Variants in SHISA9 observed in about 807,000 individuals in gnomAD.
SHISA9 encodes shisa family member 9.
A neutral mutation model predicts 38.0 loss-of-function variants in SHISA9; 13 were observed. The observed-to-expected ratio is 0.34, with a 90% CI of 0.22 to 0.54. The LOEUF (loss-of-function observed/expected upper bound fraction) is 0.54. Among genes scored for constraint, SHISA9 ranks in the 20% least tolerant of loss-of-function variants. SHISA9 has a pLI of 0.91. For missense variants in SHISA9, 538 were observed against 575.8 expected (o/e 0.93, Z 0.67); for synonymous variants, 275 against 242.0 (o/e 1.14, Z -1.27).
the SHISA9 span, among the ~76,000 whole-genome samples, chr16:13,443,535 A>G: frequency 3.9e-5 from 6 of 152,362 alleles, no homozygotes; most frequent in East Asian, 5.8e-4. Context: ...GTAGCAATCC[A>G]ACATAAATGA....
intron 2 of SHISA9, among the ~76,000 whole-genome samples, chr16:12,945,964 C>A (rs35132498): frequency 3.3e-5 from 5 of 152,270 alleles, no homozygotes; most frequent in African/African-American, 1.2e-4. Flanking sequence ...AAAAATTAGC[C>A]GGATGTGGTG....
At chr16:13,204,803 G>T (rs1329762822) in intron 3 of SHISA9, 1 of 152,190 alleles carries the variant, frequency 6.6e-6, no homozygotes, top group African/African-American at 2.4e-5. Context: ...AATATAACTT[G>T]CCCAAGTCAA....
chr16:13,284,727 A>G, the SHISA9 span, among the ~76,000 whole-genome samples: 1 of 152,136 alleles, frequency 6.6e-6, no homozygotes, highest in African/African-American at 2.4e-5. Flanking sequence ...TCTCCCAAGT[A>G]GCTGGGATTA....
At chr16:13,524,637 C>T in the SHISA9 span, among the ~76,000 whole-genome samples, 10 of 152,110 alleles carry the variant, frequency 6.6e-5, no homozygotes, top group Non-Finnish European at 1.2e-4. Context: ...TAGCTCACTA[C>T]GGCCTCAAAC....
chr16:13,526,542 C>A, the SHISA9 span, among the ~76,000 whole-genome samples: 469 of 152,210 alleles, frequency 3.1e-3, 4 homozygotes, highest in African/African-American at 0.011. Context: ...CACCACCACA[C>A]CTGGCTAATT....
At chr16:13,487,240 A>G in the SHISA9 span, among the ~76,000 whole-genome samples, 3 of 152,210 alleles carry the variant, frequency 2.0e-5, no homozygotes, top group Non-Finnish European at 4.4e-5. Flanking sequence ...CATATAACCT[A>G]TACATATCTC....
intron 2 of SHISA9, among the ~76,000 whole-genome samples, chr16:12,961,910 A>G (rs2071916858): frequency 6.6e-6 from 1 of 152,194 alleles, no homozygotes; most frequent in South Asian, 2.1e-4. Flanking sequence ...CACACCTTCC[A>G]GTCTTCCAGC....
chr16:13,390,096 C>A, the SHISA9 span, among the ~76,000 whole-genome samples: 6 of 149,180 alleles, frequency 4.0e-5, no homozygotes, highest in Non-Finnish European at 8.9e-5. Flanking sequence ...GTACATAGAA[C>A]TTAAATACTA....
intron 4 of SHISA9, among the ~76,000 whole-genome samples, chr16:13,227,492 G>A (rs961956133): frequency 6.6e-6 from 1 of 152,216 alleles, no homozygotes; most frequent in African/African-American, 2.4e-5. Flanking sequence ...TGAGATGTAA[G>A]GAAAAGGCTG....
the SHISA9 span, among the ~76,000 whole-genome samples, chr16:13,557,840 C>A: frequency 6.6e-6 from 1 of 152,130 alleles, no homozygotes; most frequent in African/African-American, 2.4e-5. Flanking sequence ...CCCTGGCTCA[C>A]TCCTCTCCAG....
At chr16:13,043,423 TTG>T (rs2141890671) in intron 2 of SHISA9, among the ~76,000 whole-genome samples, 1 of 152,296 alleles carries the variant, frequency 6.6e-6, no homozygotes, top group Admixed American at 6.5e-5. Context: ...GGGAGGGTAT[TTG>T]TGGTTTCTCT....
At chr16:13,167,063 C>CTTTTTTT (rs765999078) in intron 2 of SHISA9, among the ~76,000 whole-genome samples, 4 of 119,924 alleles carry the variant, frequency 3.3e-5, no homozygotes, top group Admixed American at 8.5e-5. Flanking sequence ...CTCTCTCTCT[C>CTTTTTTT]TCTTTTTTCT....
intron 4 of SHISA9, among the ~76,000 whole-genome samples, chr16:13,229,790 G>A (rs758144882): frequency 5.3e-5 from 8 of 152,184 alleles, no homozygotes; most frequent in Non-Finnish European, 7.3e-5. Context: ...GGAGAGAGCA[G>A]GGGTGGCTGA....
the SHISA9 span, among the ~76,000 whole-genome samples, chr16:13,560,155 A>C: frequency 1.3e-5 from 2 of 152,238 alleles, no homozygotes; most frequent in African/African-American, 2.4e-5. Context: ...CAAATCTCTT[A>C]GCTCGATTTG....
intron 2 of SHISA9, among the ~76,000 whole-genome samples, chr16:13,114,894 A>T (rs2074015667): frequency 7.9e-6 from 1 of 126,450 alleles, no homozygotes; most frequent in Admixed American, 8.4e-5. Flanking sequence ...TAAGTATTAC[A>T]TCTAACTCCA....
chr16:13,248,914 C>G, the SHISA9 span, among the ~76,000 whole-genome samples: 1 of 152,140 alleles, frequency 6.6e-6, no homozygotes, highest in Non-Finnish European at 1.5e-5. Flanking sequence ...ATGTGCATTA[C>G]TCTAGAATTG....
At chr16:13,463,860 G>T in the SHISA9 span, among the ~76,000 whole-genome samples, 165 of 152,366 alleles carry the variant, frequency 1.1e-3, 1 homozygote, top group Non-Finnish European at 1.9e-3. Flanking sequence ...AATCCCTGCC[G>T]TTGGCTCCCT....
chr16:13,537,159 G>C, the SHISA9 span, among the ~76,000 whole-genome samples: 1 of 152,172 alleles, frequency 6.6e-6, no homozygotes, highest in East Asian at 1.9e-4. Flanking sequence ...CAGGCCTGGT[G>C]GCTCATGCCT....
chr16:12,997,790 A>G (rs1404905164), intron 2 of SHISA9, among the ~76,000 whole-genome samples: 1 of 152,092 alleles, frequency 6.6e-6, no homozygotes, highest in Non-Finnish European at 1.5e-5. Flanking sequence ...AATATCCTTC[A>G]TGGTGCTCAC....
Sources: gnomAD v4.1 joint callset for allele counts (sites outside exome capture counted in the v4.1 genomes callset) on GRCh38, gnomAD v4.1.1 for gene constraint, MANE v1.5 for transcripts, NCBI Gene and HGNC (gene_info 2026-07-23, HGNC 2026-07-21) for gene names.